Variants in CHD2 observed in about 807,000 individuals in gnomAD.
CHD2 encodes ATP-dependent chromatin remodeler CHD2.
A neutral mutation model predicts 243.9 loss-of-function variants in CHD2; 28 were observed. That is an observed-to-expected ratio of 0.11 (90% CI 0.09 to 0.16). The LOEUF (loss-of-function observed/expected upper bound fraction) is 0.16, where lower values mean the gene tolerates loss of function less well. CHD2 is among the 10% of genes least tolerant of loss of function. The probability of loss-of-function intolerance (pLI) is 1.00; values close to 1 mark genes in which losing one functional copy is unlikely to be tolerated. For synonymous variants in CHD2, 775 were observed against 779.0 expected (o/e 0.99, Z 0.09); for missense variants, 1,386 against 2,209.8 (o/e 0.63, Z 7.47).
chr15:92,943,251 G>A (rs1347313138), intron 9 of CHD2, 183 bp downstream of exon 9: 1 of 586,522 alleles, frequency 1.7e-6, no homozygotes, highest in East Asian at 2.9e-5. Context: ...ATTTTTATAT[G>A]TGGCTACCAA....
At chr15:93,013,670 C>T (rs1183199716) in intron 36 of CHD2, among the ~76,000 whole-genome samples, 6 of 152,106 alleles carry the variant, frequency 3.9e-5, no homozygotes, top group Admixed American at 1.3e-4. Context: ...CGCGGTGGCT[C>T]GTGCCTGTAA....
chr15:93,022,517 C>T (rs2054545897), intron 38 of CHD2, among the ~76,000 whole-genome samples: 1 of 152,198 alleles, frequency 6.6e-6, no homozygotes, highest in Non-Finnish European at 1.5e-5. Flanking sequence ...TGAGAACAGG[C>T]ACGATGCCAG....
intron 28 of CHD2, 82 bp downstream of exon 28, chr15:92,993,080 C>T (rs1045437647): frequency 1.1e-4 from 160 of 1,488,264 alleles, no homozygotes; most frequent in Non-Finnish European, 1.4e-4. Context: ...GTTTTAAGGA[C>T]AGGCTTGAGG....
intron 2 of CHD2, 65 bp from the exon 3 acceptor site, chr15:92,924,256 T>G (rs1051284586): frequency 7.0e-7 from 1 of 1,432,464 alleles, no homozygotes; most frequent in Non-Finnish European, 9.6e-7. Context: ...ATGAGAATTT[T>G]TTTTTAAGCA....
At chr15:92,976,150 A>G (rs1293231570) in intron 20 of CHD2, among the ~76,000 whole-genome samples, 1 of 152,210 alleles carries the variant, frequency 6.6e-6, no homozygotes, top group East Asian at 1.9e-4. Context: ...TAGTTTAAAA[A>G]ATAGTATGAG....
chr15:92,987,085 C>T (rs537857795), intron 26 of CHD2, among the ~76,000 whole-genome samples: 1 of 152,260 alleles, frequency 6.6e-6, no homozygotes, highest in East Asian at 1.9e-4. Context: ...CTCTGTTACT[C>T]TTATATGATC....
At chr15:92,923,833 G>A (rs2053006744) in intron 2 of CHD2, among the ~76,000 whole-genome samples, 1 of 152,110 alleles carries the variant, frequency 6.6e-6, no homozygotes, top group Admixed American at 6.6e-5. Flanking sequence ...CAAAGTGCTG[G>A]GATTACAGGC....
intron 28 of CHD2, among the ~76,000 whole-genome samples, chr15:92,994,703 G>T (rs1330699553): frequency 6.6e-6 from 1 of 152,204 alleles, no homozygotes; most frequent in African/African-American, 2.4e-5. Context: ...TTTGAGAAAT[G>T]AATAATGTTT....
chr15:92,943,489 TAG>T (rs2053414715), intron 9 of CHD2: 1 of 185,652 alleles, frequency 5.4e-6, no homozygotes, highest in African/African-American at 2.4e-5. Context: ...GGCTTAGATG[TAG>T]AGAGTTAATA....
intron 9 of CHD2, chr15:92,943,980 G>C (rs1354609704): frequency 2.0e-5 from 3 of 152,260 alleles, no homozygotes; most frequent in African/African-American, 2.4e-5. Context: ...AGTTGCTGCT[G>C]TTGTCATCTG....
chr15:92,957,826 G>A (rs2053636036), intron 16 of CHD2, among the ~76,000 whole-genome samples: 1 of 151,956 alleles, frequency 6.6e-6, no homozygotes, highest in African/African-American at 2.4e-5. Flanking sequence ...GTTAACCTCT[G>A]CTTCCACATA....
chr15:92,978,813 A>G (rs2053940957), intron 21 of CHD2, among the ~76,000 whole-genome samples: 1 of 152,232 alleles, frequency 6.6e-6, no homozygotes, highest in Admixed American at 6.5e-5. Context: ...TATATTGGAT[A>G]ACCCGTAAGT....
intron 16 of CHD2, among the ~76,000 whole-genome samples, chr15:92,966,883 C>T (rs938842565): frequency 6.8e-6 from 1 of 146,006 alleles, no homozygotes; most frequent in Non-Finnish European, 1.5e-5. Context: ...GCATTCCAGC[C>T]TGGGCGACGG....
intron 2 of CHD2, chr15:92,902,196 T>C: frequency 2.5e-6 from 1 of 398,000 alleles, no homozygotes; most frequent in East Asian, 3.6e-5. Flanking sequence ...TGCTTTATCT[T>C]CTGAAGCTTA....
At chr15:92,991,256 G>T in intron 26 of CHD2, 1 of 470,884 alleles carries the variant, frequency 2.1e-6, no homozygotes, top group Non-Finnish European at 3.7e-6. Flanking sequence ...TGAGAATAAA[G>T]TTGATCTTTA....
chr15:92,930,667 A>G (rs2053150338), intron 5 of CHD2, among the ~76,000 whole-genome samples: 1 of 152,156 alleles, frequency 6.6e-6, no homozygotes, highest in South Asian at 2.1e-4. Context: ...CCTGAGCTCA[A>G]GCAGTCCTCC....
At chr15:93,024,120 G>T (rs2054565129) in intron 38 of CHD2, among the ~76,000 whole-genome samples, 1 of 151,110 alleles carries the variant, frequency 6.6e-6, no homozygotes, top group Non-Finnish European at 1.5e-5. Context: ...TTCCTAAAGG[G>T]AGTGAGTTTG....
chr15:92,932,951 C>T (rs983928207), intron 5 of CHD2, among the ~76,000 whole-genome samples: 1 of 152,030 alleles, frequency 6.6e-6, no homozygotes, highest in South Asian at 2.1e-4. Flanking sequence ...CCATGTTGCC[C>T]AGGCTGGTCT....
chr15:92,991,426 C>A, intron 26 of CHD2, 50 bp from the exon 27 acceptor site: 1 of 1,392,978 alleles, frequency 7.2e-7, no homozygotes, highest in Non-Finnish European at 1.0e-6. Flanking sequence ...ATCAACATAA[C>A]TAAAGTAAGT....
Sources: gnomAD v4.1 joint callset for allele counts (sites outside exome capture counted in the v4.1 genomes callset) on GRCh38, gnomAD v4.1.1 for gene constraint, MANE v1.5 for transcripts, NCBI Gene and HGNC (gene_info 2026-07-23, HGNC 2026-07-21) for gene names.